Variants in ATM observed in about 807,000 individuals in gnomAD.
The protein encoded by ATM is ATM serine/threonine kinase.
Under a neutral mutation model 387.0 loss-of-function variants are expected in ATM, and 308 were observed. The ratio of observed to expected loss-of-function variants is 0.80; its 90% CI spans 0.73 to 0.87. The LOEUF (loss-of-function observed/expected upper bound fraction) is 0.87. Among genes scored for constraint, ATM ranks in the 40% least tolerant of loss-of-function variants. ATM has a pLI of 0.00. For missense variants in ATM, 3,312 were observed against 3,560.9 expected, an observed-to-expected ratio of 0.93 and a Z score of 1.78; for synonymous variants, 1,156 against 1,187.3, an observed-to-expected ratio of 0.97 and a Z score of 0.54.
chr11:108,333,819 T>C (rs1386802827), intron 53 of ATM, 67 bp from the exon 54 acceptor site: 3 of 1,259,178 alleles, frequency 2.4e-6, no homozygotes, highest in African/African-American at 2.9e-5. Flanking sequence ...ATCTGCTGAC[T>C]ATTCCTGCTT....
At chr11:108,334,532 A>G (rs1387541969) in intron 54 of ATM, among the ~76,000 whole-genome samples, 2 of 151,922 alleles carry the variant, frequency 1.3e-5, no homozygotes, top group Non-Finnish European at 2.9e-5. Context: ...TCTTAAATAC[A>G]TTGTCTTTCT....
chr11:108,255,828 G>A (rs934386908), intron 13 of ATM, among the ~76,000 whole-genome samples: 2 of 152,176 alleles, frequency 1.3e-5, no homozygotes, highest in African/African-American at 4.8e-5. Flanking sequence ...AGCTTAAAAT[G>A]TCATTTTAAT....
chr11:108,325,565 T>C (rs2085588427), intron 46 of ATM, 21 bp downstream of exon 46: 1 of 1,556,154 alleles, frequency 6.4e-7, no homozygotes, highest in Non-Finnish European at 8.8e-7. Context: ...TTTAAAACTA[T>C]GTCATCTTAC....
At chr11:108,299,973 A>G in intron 34 of ATM, 88 bp downstream of exon 34, 1 of 1,296,404 alleles carries the variant, frequency 7.7e-7, no homozygotes, top group Non-Finnish European at 1.1e-6. Flanking sequence ...CTCAGTAACT[A>G]AAGCTTTGTC....
intron 34 of ATM, among the ~76,000 whole-genome samples, chr11:108,301,323 CA>C (rs1453119164): frequency 6.6e-6 from 1 of 152,102 alleles, no homozygotes; most frequent in African/African-American, 2.4e-5. Context: ...AAGATGTGGA[CA>C]AAAGGATTCC....
chr11:108,259,258 G>C (rs1470377712), intron 16 of ATM, among the ~76,000 whole-genome samples, 183 bp downstream of exon 16: 1 of 152,186 alleles, frequency 6.6e-6, no homozygotes, highest in Non-Finnish European at 1.5e-5. Flanking sequence ...GGGAGGCCGA[G>C]GTGGGTGGAT....
Position 108,345,873 on chromosome 11 carries a change from T to A in ATM, c.8549T>A (p.Leu2850Ter), listed in dbSNP as rs876658716. 1 of 1,613,770 alleles carries A rather than the reference T, an allele frequency of 6.2e-7. No homozygotes were observed. The highest frequency in any genetic ancestry group is 8.5e-7 in the Non-Finnish European group (1 of 1,179,846). Residue 2850 changes from leucine (L) to a stop codon, truncating the protein, a stop_gained, in exon 58 of 63, where the codon TTG (leucine) becomes TAG (stop). Transcript: ENST00000675843. LOFTEE classifies it high-confidence loss of function. ...LDPAIWFEKR[L>*]AYTRSVATSS... ...CCAGCTATTTGGTTTGAGAAGCGAT[T>A]GGCTTATACGCGCAGTGTAGCTACT... is the stretch of plus-strand genomic sequence containing the variant.
Position 108,302,994 on chromosome 11 carries a change from T to C in ATM, c.5461T>C (p.Cys1821Arg), listed in dbSNP as rs562930561. Residue 1821 changes from cysteine (C) to arginine (R), a missense_variant, in exon 36 of 63, where the codon TGT becomes CGT. By Grantham distance (180) the Cys-to-Arg change is radical. Around this residue, in one of 4 missense-constraint regions of ATM, gnomAD observed 1,405 missense variants for 1,604.4 expected, o/e 0.88. Coordinates refer to ENST00000675843, the MANE Select transcript of ATM (RefSeq NM_000051.4). The stretch of plus-strand genomic sequence containing the variant: ...TTTTTTGGACAGTGGAGGCACAAAA[T>C]GTGAAATTCTTCAATTATTAAAGCC... Reference protein sequence around the residue: ...CAFLDSGGTKCEILQLLKPMC... With the variant: ...CAFLDSGGTKREILQLLKPMC... The C allele has an allele frequency of 1.9e-6, 3 of 1,613,358 alleles. No homozygotes were observed. The highest frequency in any genetic ancestry group is 1.7e-4 in the Middle Eastern group (1 of 6,054).
At chr11:108,255,719 C>T (rs1416737595) in intron 13 of ATM, among the ~76,000 whole-genome samples, 1 of 152,162 alleles carries the variant, frequency 6.6e-6, no homozygotes, top group Non-Finnish European at 1.5e-5. Context: ...AGCCACCATG[C>T]CCGGCCAGCT....
chr11:108,237,531 C>G (rs770669503), intron 5 of ATM, among the ~76,000 whole-genome samples: 25 of 151,568 alleles, frequency 1.6e-4, no homozygotes, highest in Non-Finnish European at 2.4e-4. Flanking sequence ...GATGTTACTT[C>G]TTATAATTAG....
In ATM at chr11:108,256,308, G is replaced by C. The variant is rs786201866; in HGVS notation, c.2218G>C (p.Ala740Pro). The change falls in exon 14 of 63, where the codon GCA becomes CCA. Residue 740 changes from alanine to proline, a missense_variant. Physicochemically the swap from Ala to Pro is conservative, Grantham distance 27 (BLOSUM62 -1). Transcript: ENST00000675843. The stretch of plus-strand genomic sequence containing the variant: ...CATGGGTGTAATAGCTGAAGAGGAA[G>C]CATATAAGTCAGAATTATTCCAGAA... The part of the protein sequence containing the change: ...CYMGVIAEEE[A>P]YKSELFQKAK... 6.2e-7 allele frequency: 1 copy of C among 1,611,356 alleles called. No individual in the cohort carries two copies. The highest frequency in any genetic ancestry group is 1.3e-5 in the African/African-American group (1 of 74,988).
chr11:108,356,626 A>T (rs1201022610), intron 61 of ATM, among the ~76,000 whole-genome samples: 1 of 151,602 alleles, frequency 6.6e-6, no homozygotes, highest in Non-Finnish European at 1.5e-5. Context: ...TACTCTACCT[A>T]GTTTCAGTCA....
chr11:108,281,900 G>C (rs1033394756), intron 24 of ATM, among the ~76,000 whole-genome samples: 1 of 152,006 alleles, frequency 6.6e-6, no homozygotes, highest in African/African-American at 2.4e-5. Flanking sequence ...ATAATCATAA[G>C]TGTTATGTAT....
Position 108,327,640 on chromosome 11 carries a change from T to A in ATM, c.6976-5T>A. 1 of 1,612,052 alleles carries A rather than the reference T, an allele frequency of 6.2e-7. No individual in the cohort carries two copies. Among genetic ancestry groups the A allele is most frequent in the East Asian group, 2.2e-5 (1 of 44,806 alleles). On this transcript the variant is annotated splice_region_variant and splice_polypyrimidine_tract_variant and intron_variant, in intron 47 of 62. Transcript: ENST00000675843. Reference sequence around the variant, plus strand: ...ATATTTTAAGATTTTGCCTTTCTTATACAGAACAATCCCAGCCTAAAACTT... The same window carrying A: ...ATATTTTAAGATTTTGCCTTTCTTAAACAGAACAATCCCAGCCTAAAACTT...
At chr11:108,271,006 C>CT (rs1346534924) in intron 18 of ATM, 58 bp from the exon 19 acceptor site, 2 of 1,461,222 alleles carry the variant, frequency 1.4e-6, no homozygotes, top group African/African-American at 1.4e-5. Context: ...TGTTTATATA[C>CT]TTTTTAAAGT....
At chr11:108,344,434 C>G (rs1034011093) in intron 57 of ATM, among the ~76,000 whole-genome samples, 1 of 152,070 alleles carries the variant, frequency 6.6e-6, no homozygotes, top group Non-Finnish European at 1.5e-5. Flanking sequence ...GAGATTGGAG[C>G]AGTAATTGTT....
In ATM at chr11:108,317,939, A is replaced by T. The variant is rs192998158; in HGVS notation, c.6347+418A>T. ...ATAGTTTGTTGGACTGAGGCATGCC[A>T]AGAAAAGTATAGGCATTCCTCTTTC... On this transcript the variant is annotated intron_variant, in intron 43 of 62. Coordinates refer to ENST00000675843, the MANE Select transcript of ATM (RefSeq NM_000051.4). 3.3e-5 allele frequency among the ~76,000 whole-genome samples: 5 copies of T among 152,244 alleles called. No homozygotes were observed. In the East Asian group the frequency reaches 7.7e-4, roughly 24 times the overall value.
At chr11:108,277,540 C>T (rs890102984) in intron 22 of ATM, among the ~76,000 whole-genome samples, 4 of 152,160 alleles carry the variant, frequency 2.6e-5, no homozygotes, top group East Asian at 3.9e-4. Flanking sequence ...GCAAAGACTG[C>T]GGGAAAAGCG....
At chr11:108,305,894 T>C (rs934968272) in intron 37 of ATM, among the ~76,000 whole-genome samples, 2 of 152,186 alleles carry the variant, frequency 1.3e-5, no homozygotes, top group African/African-American at 4.8e-5. Context: ...ATATTATTAA[T>C]GTGTTTTATA....
Sources: allele counts gnomAD v4.1 joint callset (sites outside exome capture counted in the v4.1 genomes callset), GRCh38; gene constraint gnomAD v4.1.1; regional missense constraint gnomAD v4.1.1; transcripts MANE v1.5; gene names NCBI Gene and HGNC (gene_info 2026-07-23, HGNC 2026-07-21).